DLG2: variants seen among roughly 807,000 people sequenced by gnomAD.
DLG2 encodes the protein disks large homolog 2.
In DLG2, 45 loss-of-function variants were observed where a neutral mutation model predicts 132.5. That is an observed-to-expected ratio of 0.34 (90% CI 0.27 to 0.44). The LOEUF (loss-of-function observed/expected upper bound fraction) is 0.44. Ranked by LOEUF, DLG2 falls within the 20% of genes least tolerant of loss-of-function variation. The probability of loss-of-function intolerance (pLI) is 1.00; values close to 1 mark genes in which losing one functional copy is unlikely to be tolerated. For synonymous variants in DLG2, 424 were observed against 419.6 expected (o/e 1.01, Z -0.13); for missense variants, 1,045 against 1,196.9 (o/e 0.87, Z 1.87).
At chr11:85,377,638 A>G (rs1474187307) in intron 3 of DLG2, among the ~76,000 whole-genome samples, 1 of 151,988 alleles carries the variant, frequency 6.6e-6, no homozygotes, top group Non-Finnish European at 1.5e-5. Context: ...AATTCATTCA[A>G]GTTTGCTCAT....
In DLG2 at chr11:83,659,404, C is replaced by T. The variant is rs59778998; in HGVS notation, c.1826-26079G>A. 8.1e-3 allele frequency among the ~76,000 whole-genome samples: 1,226 copies of T among 152,276 alleles called. 21 individuals carry two copies. Among genetic ancestry groups the T allele is most frequent in the African/African-American group, 0.028 (1,167 of 41,552 alleles). ...TAATCCTCTCTGCCCATACATAAAGCATACAATTGCACTCCATCTCTTTTT... is the reference window on the plus strand; with the variant it reads ...TAATCCTCTCTGCCCATACATAAAGTATACAATTGCACTCCATCTCTTTTT... On this transcript the variant is annotated intron_variant, in intron 18 of 27. Transcript: ENST00000376104.
At chr11:85,302,462 A>C (rs764269829) in intron 3 of DLG2, among the ~76,000 whole-genome samples, 1 of 152,108 alleles carries the variant, frequency 6.6e-6, no homozygotes, top group Non-Finnish European at 1.5e-5. Flanking sequence ...CTGGGCCTAC[A>C]TTCCCCTTCT....
chr11:83,665,329 T>C (rs1257887586), intron 18 of DLG2, among the ~76,000 whole-genome samples: 1 of 152,196 alleles, frequency 6.6e-6, no homozygotes, highest in African/African-American at 2.4e-5. Context: ...TTATGTCAAG[T>C]AGTGTGCTAG....
At chr11:84,091,440 C>T (rs1051659622) in intron 10 of DLG2, among the ~76,000 whole-genome samples, 8 of 152,286 alleles carry the variant, frequency 5.3e-5, no homozygotes, top group Admixed American at 3.3e-4. Context: ...CGTGGGTCCA[C>T]CTCTTGCTTT....
At chr11:83,657,631 C>T (rs576814334) in intron 18 of DLG2, among the ~76,000 whole-genome samples, 17 of 150,444 alleles carry the variant, frequency 1.1e-4, no homozygotes, top group African/African-American at 3.2e-4. Context: ...ATCTGCCTCC[C>T]GGGTTCACGC....
chr11:85,151,509 A>G (rs1351621490), intron 5 of DLG2, among the ~76,000 whole-genome samples: 1 of 152,004 alleles, frequency 6.6e-6, no homozygotes, highest in African/African-American at 2.4e-5. Flanking sequence ...TTCTGTAGGC[A>G]TTATAGAGTT....
intron 18 of DLG2, among the ~76,000 whole-genome samples, chr11:83,662,822 T>G (rs998451949): frequency 6.6e-6 from 1 of 152,156 alleles, no homozygotes; most frequent in Non-Finnish European, 1.5e-5. Context: ...TCTGTTAAGT[T>G]CCAGGATGTT....
chr11:85,211,864 C>T (rs1160915646), intron 4 of DLG2, among the ~76,000 whole-genome samples: 2 of 152,058 alleles, frequency 1.3e-5, no homozygotes, highest in Non-Finnish European at 2.9e-5. Flanking sequence ...ATAATAAGCT[C>T]CATGAGAAAA....
chr11:83,688,463 C>T (rs546469585), intron 18 of DLG2, among the ~76,000 whole-genome samples: 16 of 152,202 alleles, frequency 1.1e-4, no homozygotes, highest in South Asian at 1.0e-3. Flanking sequence ...AGAAGGGAAA[C>T]GACTTTAGGA....
intron 6 of DLG2, among the ~76,000 whole-genome samples, chr11:84,759,499 T>C (rs1727365856): frequency 6.6e-6 from 1 of 152,240 alleles, no homozygotes; most frequent in Admixed American, 6.5e-5. Context: ...CTATACTTCA[T>C]TGTGAGGCTT....
intron 3 of DLG2, among the ~76,000 whole-genome samples, chr11:85,375,800 T>A (rs184328733): frequency 3.9e-5 from 6 of 152,164 alleles, no homozygotes; most frequent in Non-Finnish European, 8.8e-5. Context: ...GAGACCATGA[T>A]GATTTGATTT....
intron 17 of DLG2, among the ~76,000 whole-genome samples, chr11:83,814,168 T>C (rs7126807): frequency 6.6e-6 from 1 of 152,120 alleles, no homozygotes; most frequent in African/African-American, 2.4e-5. Flanking sequence ...TACATTCTTT[T>C]GGACCAAATG....
At chr11:85,063,486 T>G (rs1466330858) in intron 6 of DLG2, among the ~76,000 whole-genome samples, 3 of 151,852 alleles carry the variant, frequency 2.0e-5, no homozygotes, top group Non-Finnish European at 4.4e-5. Flanking sequence ...CCTAGAAATT[T>G]TATATAGAGT....
chr11:83,895,562 C>A (rs913023791), intron 15 of DLG2, among the ~76,000 whole-genome samples: 1 of 152,106 alleles, frequency 6.6e-6, no homozygotes, highest in Admixed American at 6.5e-5. Context: ...AAAACCTCAG[C>A]CATTTTCTTC....
At chr11:85,558,552 A>C (rs896366317) in intron 3 of DLG2, among the ~76,000 whole-genome samples, 9 of 151,958 alleles carry the variant, frequency 5.9e-5, no homozygotes, top group African/African-American at 2.2e-4. Context: ...GGTGCCCATC[A>C]ATAGTGGACT....
intron 7 of DLG2, among the ~76,000 whole-genome samples, chr11:84,459,480 T>C (rs1048867992): frequency 6.6e-6 from 1 of 150,766 alleles, no homozygotes; most frequent in Non-Finnish European, 1.5e-5. Flanking sequence ...TTAGAAATTT[T>C]TAGGTGTATG....
intron 16 of DLG2, among the ~76,000 whole-genome samples, chr11:83,849,498 A>G (rs1318523242): frequency 2.0e-5 from 3 of 151,866 alleles, no homozygotes; most frequent in Non-Finnish European, 2.9e-5. Flanking sequence ...ATATAGAGAC[A>G]TAGATATTTG....
chr11:85,111,218 A>C (rs1433855211), intron 6 of DLG2, among the ~76,000 whole-genome samples: 2 of 152,154 alleles, frequency 1.3e-5, no homozygotes, highest in African/African-American at 4.8e-5. Context: ...GATACTATGC[A>C]AATGCAGAGA....
At chr11:85,417,254 T>A (rs993768433) in intron 3 of DLG2, among the ~76,000 whole-genome samples, 1 of 152,178 alleles carries the variant, frequency 6.6e-6, no homozygotes, top group Non-Finnish European at 1.5e-5. Flanking sequence ...TTGTATTGAT[T>A]TGTGTATATT....
Sources: gnomAD v4.1 joint callset for allele counts (sites outside exome capture counted in the v4.1 genomes callset) on GRCh38, gnomAD v4.1.1 for gene constraint, MANE v1.5 for transcripts, NCBI Gene and HGNC (gene_info 2026-07-23, HGNC 2026-07-21) for gene names.